GCC2: variants seen among roughly 807,000 people sequenced by gnomAD.
GCC2 encodes the protein GRIP and coiled-coil domain-containing protein 2.
A neutral mutation model predicts 210.6 loss-of-function variants in GCC2; 120 were observed. The ratio of observed to expected loss-of-function variants is 0.57; its 90% CI spans 0.49 to 0.66. The LOEUF is 0.66. GCC2 is among the 30% of genes least tolerant of loss of function. The pLI, the probability that GCC2 is intolerant of heterozygous loss-of-function variation, is 0.00. For synonymous variants in GCC2, 703 were observed against 652.7 expected (o/e 1.08, Z -1.17); for missense variants, 1,868 against 1,871.9 (o/e 1.00, Z 0.04).
At chr2:108,454,297 A>G (rs1014202287) in intron 4 of GCC2, among the ~76,000 whole-genome samples, 1 of 152,108 alleles carries the variant, frequency 6.6e-6, no homozygotes, top group African/African-American at 2.4e-5. Context: ...GCCTGGTTAT[A>G]TATTATCTTA....
intron 6 of GCC2, among the ~76,000 whole-genome samples, chr2:108,472,607 CT>C (rs201363071): frequency 0.039 from 5,472 of 141,034 alleles, 131 homozygotes; most frequent in African/African-American, 0.064. Flanking sequence ...TTGGTTACTA[CT>C]TTTTTTTTTT....
chr2:108,482,326 C>A lies in GCC2; in HGVS notation c.3220C>A (p.Arg1074Ser). 6.3e-7 allele frequency: 1 copy of A among 1,587,632 alleles called. No individual in the cohort carries two copies. Among genetic ancestry groups the A allele is most frequent in the Non-Finnish European group, 8.6e-7 (1 of 1,161,278 alleles). Residue 1074 changes from arginine to serine, a missense_variant, in exon 11 of 23, where the codon CGT (arginine) becomes AGT (serine). Arg to Ser is a moderately radical substitution (Grantham distance 110). Around this residue, in one of 3 missense-constraint regions of GCC2, gnomAD observed 1,847 missense variants for 1,765.2 expected, o/e 1.05. Transcript: ENST00000309863. The part of the protein sequence containing the change: ...INSDNEDLLA[R>S]IETLQSNAKL... ...TTCTGATAATGAAGATCTCCTGGCT[C>A]GTATTGAGACATTACAGTCTAATGC...
chr2:108,472,735 T>A, intron 6 of GCC2, 92 bp from the exon 7 acceptor site: 1 of 745,736 alleles, frequency 1.3e-6, no homozygotes, highest in African/African-American at 1.8e-5. Flanking sequence ...GATTTTCTTA[T>A]GCTTAACATG....
At chr2:108,455,444 A>G (rs1420945400) in intron 4 of GCC2, among the ~76,000 whole-genome samples, 1 of 152,188 alleles carries the variant, frequency 6.6e-6, no homozygotes, top group African/African-American at 2.4e-5. Context: ...GTCTCAAGAA[A>G]AAAAAAAAAT....
intron 4 of GCC2, among the ~76,000 whole-genome samples, chr2:108,468,067 CTT>C (rs55803150): frequency 3.4e-4 from 49 of 144,646 alleles, no homozygotes; most frequent in Non-Finnish European, 2.7e-4. Context: ...TTTTCTTTTT[CTT>C]TTTTTTTTTT....
intron 21 of GCC2, 50 bp downstream of exon 21, chr2:108,497,159 T>G (rs757320727): frequency 3.0e-5 from 49 of 1,611,326 alleles, no homozygotes; most frequent in Non-Finnish European, 4.0e-5. Flanking sequence ...TTGGTTTTCT[T>G]GACCCTCCAT....
chr2:108,452,680 C>T (rs374824118), intron 4 of GCC2, among the ~76,000 whole-genome samples: 7 of 136,100 alleles, frequency 5.1e-5, no homozygotes, highest in African/African-American at 1.9e-4. Context: ...CACGTATTTT[C>T]TTTTTTCTTT....
Position 108,469,767 on chromosome 2 carries a change from T to TGAA in GCC2, c.441_443dup (p.Glu147dup). 1 of 1,613,782 alleles carries TGAA rather than the reference T, an allele frequency of 6.2e-7. No individual in the cohort carries two copies. The highest frequency in any genetic ancestry group is 8.5e-7 in the Non-Finnish European group (1 of 1,179,790). ...TGATGGCAGTACGTTCCAAATACAG[T>TGAA]GAAGACAAAGCTAACTTACAAAAGC... On this transcript the variant is annotated inframe_insertion, in exon 6 of 23. Coordinates refer to ENST00000309863, the MANE Select transcript of GCC2 (RefSeq NM_181453.4).
At chr2:108,491,798 A>T (rs1682415481) in intron 18 of GCC2, among the ~76,000 whole-genome samples, 1 of 151,568 alleles carries the variant, frequency 6.6e-6, no homozygotes, top group African/African-American at 2.4e-5. Flanking sequence ...TTTTTTACCA[A>T]AGCCAAACAT....
At chr2:108,488,065 C>T (rs541365729) in intron 17 of GCC2, among the ~76,000 whole-genome samples, 2 of 151,830 alleles carry the variant, frequency 1.3e-5, no homozygotes, top group African/African-American at 2.4e-5. Context: ...ACCATCATAC[C>T]CAGCTAATTT....
intron 4 of GCC2, among the ~76,000 whole-genome samples, chr2:108,453,894 C>G (rs1680099387): frequency 6.6e-6 from 1 of 152,044 alleles, no homozygotes; most frequent in Non-Finnish European, 1.5e-5. Flanking sequence ...CCGCCTTAGG[C>G]CAAGCTTCTG....
At chr2:108,499,199 C>T (rs878874938) in intron 21 of GCC2, among the ~76,000 whole-genome samples, 83 of 151,862 alleles carry the variant, frequency 5.5e-4, no homozygotes, top group African/African-American at 1.9e-3. Context: ...AGCTTCTTGC[C>T]TTTCTACTTC....
intron 22 of GCC2, among the ~76,000 whole-genome samples, chr2:108,507,147 C>A (rs1262446177): frequency 6.6e-6 from 1 of 151,988 alleles, no homozygotes; most frequent in African/African-American, 2.4e-5. Flanking sequence ...GTAATCCCAA[C>A]AATGTGAGGC....
chr2:108,472,231 C>A, intron 6 of GCC2, 115 bp downstream of exon 6: 3 of 624,462 alleles, frequency 4.8e-6, no homozygotes, highest in South Asian at 3.6e-5. Flanking sequence ...CATTTAAGCC[C>A]AAGTGGCAAC....
At position 108,470,997 on chromosome 2, in the gene GCC2, A is replaced by T; in HGVS notation, c.1668A>T (p.Glu556Asp). ...TATCTCAACAAGAATTGGTACCAGAACTTGAAAATACCATAAAGAACCTTC... is the reference window on the plus strand; with the variant it reads ...TATCTCAACAAGAATTGGTACCAGATCTTGAAAATACCATAAAGAACCTTC... ...KLLSQQELVP[E>D]LENTIKNLQE... is the part of the protein sequence containing the mutation. Residue 556 changes from glutamate (E) to aspartate (D), a missense_variant, in exon 6 of 23, where the codon GAA becomes GAT. Physicochemically the swap from Glu to Asp is conservative, Grantham distance 45. This residue lies in a region of GCC2 where 1,847 missense variants were observed against 1,765.2 expected (regional missense o/e 1.05). Coordinates refer to ENST00000309863, the MANE Select transcript of GCC2 (RefSeq NM_181453.4). 6.2e-7 allele frequency: 1 copy of T among 1,613,102 alleles called. No individual in the cohort carries two copies. Among genetic ancestry groups the T allele is most frequent in the Non-Finnish European group, 8.5e-7 (1 of 1,179,402 alleles).
At position 108,494,890 on chromosome 2, in the gene GCC2, G is replaced by A. The variant is rs187073906; in HGVS notation, c.4448-401G>A. On this transcript the variant is annotated intron_variant, in intron 19 of 22. Transcript: ENST00000309863. ...TGCAGTGGTGTGATCTTGGCTCACTGCAACCTCCGCCTCCTGGTTTCCAGC... is the reference window on the plus strand; with the variant it reads ...TGCAGTGGTGTGATCTTGGCTCACTACAACCTCCGCCTCCTGGTTTCCAGC... 480 of 155,494 alleles carry A rather than the reference G, an allele frequency of 3.1e-3. 1 individual carries two copies. Among genetic ancestry groups the A allele is most frequent in the African/African-American group, 0.01 (427 of 41,474 alleles). 9.6% of individuals were successfully genotyped at this position (155,494 alleles called of 1,614,324 possible).
chr2:108,472,079 A>T lies in GCC2; in HGVS notation c.2750A>T (p.Glu917Val). Residue 917 changes from glutamate to valine, a missense_variant, in exon 6 of 23, where the codon GAA becomes GTA. Glu to Val is a moderately radical substitution (Grantham distance 121). Coordinates refer to ENST00000309863, the MANE Select transcript of GCC2 (RefSeq NM_181453.4). ...CTAAAGCCACTACTAGAACAAAAAG[A>T]ATTACGAGATAGGAGAGCAGAGTTG... Reference protein sequence around the residue: ...ENLKPLLEQKELRDRRAELIL... With the variant: ...ENLKPLLEQKVLRDRRAELIL... 2 of 1,566,692 alleles carry T rather than the reference A, an allele frequency of 1.3e-6. No homozygotes were observed. The highest frequency in any genetic ancestry group is 1.7e-6 in the Non-Finnish European group (2 of 1,165,410).
Position 108,497,066 on chromosome 2 carries a change from G to C in GCC2, c.4739G>C (p.Arg1580Pro), listed in dbSNP as rs754377499. 1 of 1,611,958 alleles carries C rather than the reference G, an allele frequency of 6.2e-7. No homozygotes were observed. ...KSADHLNGLL[R>P]ETEATNAILM... is the part of the protein sequence containing the mutation. ...GCAGATCACTTAAACGGCCTGCTTC[G>C]GGAAACAGAAGCAACCAATGCAATT... Residue 1580 changes from arginine (R) to proline (P), a missense_variant, in exon 21 of 23, where the codon CGG (arginine) becomes CCG (proline). Arg to Pro is a moderately radical substitution (Grantham distance 103). Coordinates refer to ENST00000309863, the MANE Select transcript of GCC2 (RefSeq NM_181453.4).
In GCC2 at chr2:108,470,742, A is replaced by G. The variant is rs149652536; in HGVS notation, c.1413A>G (p.Gln471=). 2.3e-5 allele frequency: 37 copies of G among 1,613,350 alleles called. No homozygotes were observed. The African/African-American group carries it at 4.3e-4, about 19-fold the overall frequency. Residue 471 remains glutamine, a synonymous_variant, in exon 6 of 23, where the codon CAA becomes CAG. Transcript: ENST00000309863. ...AGGAACAGTGTGAAAACCTACAGCA[A>G]GAAAAGCAAGAAGCAATTTTAAATT... ...GLKEQCENLQ[Q]EKQEAILNYE...
Sources: gnomAD v4.1 joint callset for allele counts (sites outside exome capture counted in the v4.1 genomes callset) on GRCh38, gnomAD v4.1.1 for gene constraint, gnomAD v4.1.1 regional missense constraint, MANE v1.5 for transcripts, NCBI Gene and HGNC (gene_info 2026-07-23, HGNC 2026-07-21) for gene names.